The following RORB variants were observed in gnomAD, a reference collection of about 807,000 sequenced individuals.
The protein encoded by RORB is RAR related orphan receptor B.
In RORB, 6 loss-of-function variants were observed where a neutral mutation model predicts 59.1. That is an observed-to-expected ratio of 0.10 (90% CI 0.06 to 0.20). RORB has a LOEUF of 0.20. Among genes scored for constraint, RORB ranks in the 10% least tolerant of loss-of-function variants. RORB has a pLI of 1.00. For missense variants in RORB, 320 were observed against 560.5 expected, an observed-to-expected ratio of 0.57 and a Z score of 4.33; for synonymous variants, 215 against 204.5, an observed-to-expected ratio of 1.05 and a Z score of -0.44.
In RORB at chr9:74,692,772, T is replaced by C. The variant is rs1824766420; in HGVS notation, c.*7154T>C. 6.6e-6 allele frequency: 1 copy of C among 152,210 alleles called. No homozygotes were observed. The highest frequency in any genetic ancestry group is 2.4e-5 in the African/African-American group (1 of 41,460). 9.4% of individuals were successfully genotyped at this position (152,210 alleles called of 1,614,324 possible). ...TTATTACCATGTATTCTTATTGGCC[T>C]GTAGAGGAAAAAGGCAAACCACAAA... On this transcript the variant is annotated 3_prime_UTR_variant, in exon 10 of 10. Coordinates refer to ENST00000376896, the MANE Select transcript of RORB (RefSeq NM_006914.4).
At chr9:74,545,829 T>C (rs1012428896) in intron 1 of RORB, among the ~76,000 whole-genome samples, 26 of 152,066 alleles carry the variant, frequency 1.7e-4, no homozygotes, top group African/African-American at 6.3e-4. Context: ...AGGGGACATA[T>C]ATCTATTATC....
At chr9:74,683,093 G>A (rs1250178466) in intron 9 of RORB, among the ~76,000 whole-genome samples, 1 of 152,136 alleles carries the variant, frequency 6.6e-6, no homozygotes, top group African/African-American at 2.4e-5. Flanking sequence ...TTTTTAAGAA[G>A]CACCCCAGCC....
chr9:74,684,624 A>G (rs1010935081), intron 9 of RORB, among the ~76,000 whole-genome samples: 2 of 152,178 alleles, frequency 1.3e-5, no homozygotes, highest in African/African-American at 4.8e-5. Context: ...GGGTATCTTA[A>G]CTCAAAAAAT....
chr9:74,538,610 C>T (rs751562001), intron 1 of RORB, among the ~76,000 whole-genome samples: 2 of 150,276 alleles, frequency 1.3e-5, no homozygotes, highest in African/African-American at 2.5e-5. Flanking sequence ...AATCAATGCA[C>T]AAATAAAATC....
In RORB at chr9:74,688,858, C is replaced by A. The variant is rs990755659; in HGVS notation, c.*3240C>A. On this transcript the variant is annotated 3_prime_UTR_variant, in exon 10 of 10. Coordinates refer to ENST00000376896, the MANE Select transcript of RORB (RefSeq NM_006914.4). Reference sequence around the variant, plus strand: ...ATTCAGAGGAATTTTTATCTCCCTGCAAATCCAAACTTTCTATACAAATCC... The same window carrying A: ...ATTCAGAGGAATTTTTATCTCCCTGAAAATCCAAACTTTCTATACAAATCC... 6.6e-6 allele frequency: 1 copy of A among 152,138 alleles called. No individual in the cohort carries two copies. Among genetic ancestry groups the A allele is most frequent in the African/African-American group, 2.4e-5 (1 of 41,434 alleles). 9.4% of individuals were successfully genotyped at this position (152,138 alleles called of 1,614,324 possible).
At chr9:74,656,133 A>G (rs1207235209) in intron 4 of RORB, among the ~76,000 whole-genome samples, 3 of 152,206 alleles carry the variant, frequency 2.0e-5, no homozygotes, top group South Asian at 4.1e-4. Flanking sequence ...AAATCCTTTG[A>G]GAAATAAAGC....
intron 1 of RORB, among the ~76,000 whole-genome samples, chr9:74,548,097 C>T (rs1826530173): frequency 6.6e-6 from 1 of 152,130 alleles, no homozygotes; most frequent in Admixed American, 6.6e-5. Context: ...TGAGAAAGCA[C>T]TCAAAAAATG....
chr9:74,557,577 A>G (rs928493468), intron 1 of RORB, among the ~76,000 whole-genome samples: 1 of 152,162 alleles, frequency 6.6e-6, no homozygotes, highest in African/African-American at 2.4e-5. Flanking sequence ...GCACACTAAT[A>G]TAATCAGGTA....
At chr9:74,609,130 T>C (rs972968603) in intron 1 of RORB, among the ~76,000 whole-genome samples, 2 of 152,244 alleles carry the variant, frequency 1.3e-5, no homozygotes, top group Admixed American at 1.3e-4. Flanking sequence ...AATTAGTGCC[T>C]ACTACATACC....
At chr9:74,659,640 G>A (rs972076665) in intron 4 of RORB, among the ~76,000 whole-genome samples, 1 of 152,012 alleles carries the variant, frequency 6.6e-6, no homozygotes, top group Admixed American at 6.5e-5. Flanking sequence ...ACAGGCGTGT[G>A]CCACCACACC....
chr9:74,502,531 G>A (rs577477332), intron 1 of RORB, among the ~76,000 whole-genome samples: 9 of 151,946 alleles, frequency 5.9e-5, no homozygotes, highest in South Asian at 2.1e-4. Context: ...AAATCACAGC[G>A]TATTACTAGA....
intron 1 of RORB, among the ~76,000 whole-genome samples, chr9:74,581,994 T>C (rs888449850): frequency 6.6e-6 from 1 of 152,226 alleles, no homozygotes; most frequent in East Asian, 1.9e-4. Flanking sequence ...TTTTCATCTG[T>C]ATCAATCAGT....
chr9:74,615,393 T>C (rs374748557), intron 1 of RORB, among the ~76,000 whole-genome samples: 1 of 152,192 alleles, frequency 6.6e-6, no homozygotes, highest in Non-Finnish European at 1.5e-5. Context: ...AAAACCAATA[T>C]TCTCCCTCCC....
chr9:74,605,355 G>C (rs1823132328), intron 1 of RORB, among the ~76,000 whole-genome samples: 1 of 152,212 alleles, frequency 6.6e-6, no homozygotes, highest in Admixed American at 6.5e-5. Context: ...AAAACTCATG[G>C]TATTGTTGGT....
At chr9:74,531,864 T>C (rs1175016602) in intron 1 of RORB, among the ~76,000 whole-genome samples, 1 of 151,862 alleles carries the variant, frequency 6.6e-6, no homozygotes, top group Non-Finnish European at 1.5e-5. Context: ...TGGGGTGCAG[T>C]TTATCTGGAG....
chr9:74,639,387 A>G (rs1286339581), intron 3 of RORB, among the ~76,000 whole-genome samples: 1 of 152,234 alleles, frequency 6.6e-6, no homozygotes, highest in Non-Finnish European at 1.5e-5. Flanking sequence ...GACATGGGGA[A>G]GGGCATGGAA....
At chr9:74,534,205 G>A (rs1826288789) in intron 1 of RORB, among the ~76,000 whole-genome samples, 1 of 152,024 alleles carries the variant, frequency 6.6e-6, no homozygotes, top group Non-Finnish European at 1.5e-5. Context: ...CCCTTAAGGA[G>A]CTAAGAGGGT....
At chr9:74,666,637 T>C (rs117468409) in intron 7 of RORB, among the ~76,000 whole-genome samples, 2,305 of 152,202 alleles carry the variant, frequency 0.015, 24 homozygotes, top group Middle Eastern at 0.048. Context: ...TTATGTCAAT[T>C]TATCATCATG....
chr9:74,633,911 A>T (rs1253334595), intron 2 of RORB, among the ~76,000 whole-genome samples: 1 of 151,884 alleles, frequency 6.6e-6, no homozygotes, highest in East Asian at 1.9e-4. Context: ...TATTAAAAAC[A>T]ACTTTCCAGA....
Sources: allele counts gnomAD v4.1 joint callset (sites outside exome capture counted in the v4.1 genomes callset), GRCh38; gene constraint gnomAD v4.1.1; transcripts MANE v1.5; gene names NCBI Gene and HGNC (gene_info 2026-07-23, HGNC 2026-07-21).